Variants in CDH7 observed in about 807,000 individuals in gnomAD.
The protein encoded by CDH7 is cadherin 7.
Under a neutral mutation model 71.8 loss-of-function variants are expected in CDH7, and 25 were observed. The ratio of observed to expected loss-of-function variants is 0.35; its 90% confidence interval spans 0.25 to 0.49. The LOEUF (loss-of-function observed/expected upper bound fraction) is 0.49. CDH7 is among the 20% of genes least tolerant of loss of function. The pLI, the probability that CDH7 is intolerant of heterozygous loss-of-function variation, is 0.99. For synonymous variants in CDH7, 381 were observed against 363.8 expected (o/e 1.05, Z -0.54); for missense variants, 862 against 974.6 (o/e 0.88, Z 1.54).
intron 2 of CDH7, among the ~76,000 whole-genome samples, chr18:65,793,418 C>CAAAAAAAAAA (rs541826329): frequency 1.6e-3 from 142 of 91,162 alleles, no homozygotes; most frequent in African/African-American, 5.4e-3. Flanking sequence ...CACCCAGTCT[C>CAAAAAAAAAA]AAAAAAAAAA....
At chr18:65,796,491 A>T (rs1022072461) in intron 2 of CDH7, among the ~76,000 whole-genome samples, 1 of 152,190 alleles carries the variant, frequency 6.6e-6, no homozygotes, top group Admixed American at 6.5e-5. Flanking sequence ...TGTACAATAT[A>T]CATTAGGTAG....
chr18:65,872,964 A>G (rs1379480041), intron 11 of CDH7, among the ~76,000 whole-genome samples: 1 of 151,926 alleles, frequency 6.6e-6, no homozygotes, highest in East Asian at 1.9e-4. Context: ...GAATTAAACA[A>G]TTTTTGAAAT....
intron 10 of CDH7, among the ~76,000 whole-genome samples, chr18:65,860,585 A>C (rs1364881903): frequency 1.3e-5 from 2 of 152,150 alleles, no homozygotes; most frequent in Non-Finnish European, 2.9e-5. Flanking sequence ...TATTTATTTT[A>C]GTGGAAGGAG....
At chr18:65,763,594 G>GGTGTGT (rs71167145) in intron 2 of CDH7, among the ~76,000 whole-genome samples, 123 of 99,200 alleles carry the variant, frequency 1.2e-3, no homozygotes, top group South Asian at 4.8e-3. Context: ...TTGATAGGGG[G>GGTGTGT]GTGTGTGTGT....
At chr18:65,787,693 G>A (rs1459900474) in intron 2 of CDH7, among the ~76,000 whole-genome samples, 1 of 152,182 alleles carries the variant, frequency 6.6e-6, no homozygotes, top group Non-Finnish European at 1.5e-5. Flanking sequence ...TCATTTAGTG[G>A]TCTGCTCTTC....
At chr18:65,819,337 C>T (rs973137748) in intron 4 of CDH7, among the ~76,000 whole-genome samples, 15 of 152,250 alleles carry the variant, frequency 9.9e-5, no homozygotes, top group South Asian at 6.2e-4. Flanking sequence ...AGTTCGGGCA[C>T]GCTGCCTGTG....
intron 4 of CDH7, among the ~76,000 whole-genome samples, chr18:65,818,434 C>T (rs1485906567): frequency 1.3e-5 from 2 of 152,122 alleles, no homozygotes; most frequent in African/African-American, 4.8e-5. Context: ...TGGGGGAGTA[C>T]TTCTCACCTA....
At chr18:65,839,657 T>G (rs909034416) in intron 6 of CDH7, among the ~76,000 whole-genome samples, 8 of 152,220 alleles carry the variant, frequency 5.3e-5, no homozygotes, top group African/African-American at 1.7e-4. Flanking sequence ...TTTTATTACA[T>G]GGGTAAGGCG....
At chr18:65,818,179 T>G (rs1911787602) in intron 4 of CDH7, among the ~76,000 whole-genome samples, 1 of 152,246 alleles carries the variant, frequency 6.6e-6, no homozygotes, top group Non-Finnish European at 1.5e-5. Flanking sequence ...TACACACACC[T>G]AAGAATGTCT....
intron 6 of CDH7, among the ~76,000 whole-genome samples, chr18:65,830,520 CCCTT>C (rs1436954397): frequency 6.7e-6 from 1 of 150,310 alleles, no homozygotes; most frequent in Non-Finnish European, 1.5e-5. Context: ...TTTCCTTCCT[CCCTT>C]CCTTCCTTTC....
At position 65,809,877 on chromosome 18, in the gene CDH7, C is replaced by G. The variant is rs886074952; in HGVS notation, c.384C>G (p.Leu128=). ...YTLRAQALDR[L]TNKPVEPESE... ...TCCGAGCTCAAGCGCTGGATAGGCT[C>G]ACCAACAAACCCGTGGAGCCCGAGT... is the stretch of plus-strand genomic sequence containing the variant. Residue 128 remains leucine (L), a synonymous_variant, in exon 3 of 12, where the codon CTC becomes CTG. Coordinates refer to ENST00000397968, the MANE Select transcript of CDH7 (RefSeq NM_004361.5). The G allele has an allele frequency of 6.2e-7, 1 of 1,613,932 alleles. No homozygotes were observed. The highest frequency in any genetic ancestry group is 8.5e-7 in the Non-Finnish European group (1 of 1,179,992).
At chr18:65,825,143 T>C (rs766380247) in intron 6 of CDH7, among the ~76,000 whole-genome samples, 1 of 151,930 alleles carries the variant, frequency 6.6e-6, no homozygotes, top group Non-Finnish European at 1.5e-5. Context: ...CTGCCTTGAC[T>C]ATTCCACTAA....
At chr18:65,836,879 T>C (rs1912550020) in intron 6 of CDH7, among the ~76,000 whole-genome samples, 1 of 152,110 alleles carries the variant, frequency 6.6e-6, no homozygotes, top group Non-Finnish European at 1.5e-5. Flanking sequence ...CTATTGCAGA[T>C]TTGTAAGATT....
At chr18:65,840,028 A>C (rs1912670947) in intron 6 of CDH7, among the ~76,000 whole-genome samples, 1 of 152,204 alleles carries the variant, frequency 6.6e-6, no homozygotes, top group South Asian at 2.1e-4. Context: ...TTACCTATCA[A>C]AAATTATTAT....
intron 11 of CDH7, among the ~76,000 whole-genome samples, chr18:65,871,891 T>G (rs967033575): frequency 6.6e-6 from 1 of 152,040 alleles, no homozygotes; most frequent in Non-Finnish European, 1.5e-5. Context: ...AAGAGATAGA[T>G]GAGAGATTTA....
intron 2 of CDH7, among the ~76,000 whole-genome samples, chr18:65,776,344 A>G (rs1465664687): frequency 1.3e-5 from 2 of 150,676 alleles, no homozygotes; most frequent in East Asian, 3.9e-4. Flanking sequence ...CAAATCACAC[A>G]TTTGAAGAAA....
chr18:65,777,136 T>C (rs1909977198), intron 2 of CDH7, among the ~76,000 whole-genome samples: 1 of 152,100 alleles, frequency 6.6e-6, no homozygotes, highest in African/African-American at 2.4e-5. Context: ...CAGAGATGAT[T>C]TTTCTCTTCT....
chr18:65,787,053 A>G (rs1296830709), intron 2 of CDH7, among the ~76,000 whole-genome samples: 10 of 151,982 alleles, frequency 6.6e-5, no homozygotes, highest in Admixed American at 6.6e-4. Context: ...ACTGTCACAT[A>G]TTTATATGTT....
At chr18:65,857,352 TAATAATAATAAA>T (rs147317090) in intron 7 of CDH7, among the ~76,000 whole-genome samples, 1,631 of 140,568 alleles carry the variant, frequency 0.012, 16 homozygotes, top group African/African-American at 0.034. Context: ...ATAATAATAA[TAATAATAATAAA>T]ATAGCCAAAT....
Sources: allele counts gnomAD v4.1 joint callset (sites outside exome capture counted in the v4.1 genomes callset), GRCh38; gene constraint gnomAD v4.1.1; transcripts MANE v1.5; gene names NCBI Gene and HGNC (gene_info 2026-07-23, HGNC 2026-07-21).